TBC1D4: variants seen among roughly 807,000 people sequenced by gnomAD.
TBC1D4 encodes TBC1 domain family member 4, also known as TBC (Tre-2, BUB2, CDC16) domain-containing protein.
A neutral mutation model predicts 142.5 loss-of-function variants in TBC1D4; 121 were observed. The ratio of observed to expected loss-of-function variants is 0.85; its 90% CI spans 0.73 to 0.99. The LOEUF is 0.99. Ranked by LOEUF, TBC1D4 falls within the 50% of genes least tolerant of loss-of-function variation. The pLI is 0.00. For synonymous variants in TBC1D4, 630 were observed against 628.2 expected, an observed-to-expected ratio of 1.00 and a Z score of -0.04; for missense variants, 1,475 against 1,606.6, an observed-to-expected ratio of 0.92 and a Z score of 1.40.
chr13:75,439,010 G>T (rs1346595199), intron 1 of TBC1D4, among the ~76,000 whole-genome samples: 1 of 152,122 alleles, frequency 6.6e-6, no homozygotes, highest in East Asian at 1.9e-4. Context: ...CATATATTTT[G>T]AGAGCAAAGA....
intron 1 of TBC1D4, among the ~76,000 whole-genome samples, chr13:75,441,654 T>C (rs1887046731): frequency 6.6e-6 from 1 of 152,220 alleles, no homozygotes. Flanking sequence ...ACAGCACCTA[T>C]AGAGTTGGAA....
intron 1 of TBC1D4, among the ~76,000 whole-genome samples, chr13:75,451,245 GA>G (rs35261120): frequency 1.3e-5 from 2 of 151,874 alleles, no homozygotes; most frequent in South Asian, 4.1e-4. Flanking sequence ...TTATTAGAGC[GA>G]AAAAAAGTGC....
At chr13:75,392,907 T>C (rs1884566192) in intron 1 of TBC1D4, among the ~76,000 whole-genome samples, 2 of 152,166 alleles carry the variant, frequency 1.3e-5, no homozygotes, top group Non-Finnish European at 2.9e-5. Flanking sequence ...CCCAAAATGC[T>C]GGAATTACAG....
chr13:75,432,373 G>A (rs1886625452), intron 1 of TBC1D4, among the ~76,000 whole-genome samples: 1 of 152,182 alleles, frequency 6.6e-6, no homozygotes, highest in Non-Finnish European at 1.5e-5. Context: ...TGAGGCAGCA[G>A]TTTTCTGTAG....
intron 1 of TBC1D4, among the ~76,000 whole-genome samples, chr13:75,428,489 T>G (rs1886468026): frequency 6.6e-6 from 1 of 152,280 alleles, no homozygotes. Context: ...CTATACTAGA[T>G]TTTTCCAGAA....
intron 1 of TBC1D4, among the ~76,000 whole-genome samples, chr13:75,416,223 C>A (rs1274651648): frequency 6.6e-6 from 1 of 152,264 alleles, no homozygotes. Context: ...ATACTCAAGT[C>A]ATGTCAACAA....
At chr13:75,461,566 A>G (rs1255543566) in intron 1 of TBC1D4, among the ~76,000 whole-genome samples, 1 of 152,234 alleles carries the variant, frequency 6.6e-6, no homozygotes, top group African/African-American at 2.4e-5. Flanking sequence ...AAGCCACTGA[A>G]AGCAATGTTT....
At chr13:75,445,207 T>C (rs1246891347) in intron 1 of TBC1D4, among the ~76,000 whole-genome samples, 1 of 152,240 alleles carries the variant, frequency 6.6e-6, no homozygotes, top group African/African-American at 2.4e-5. Context: ...TAGTTTTACA[T>C]ATTAACAGAA....
At chr13:75,369,083 C>T (rs1438926354) in intron 1 of TBC1D4, among the ~76,000 whole-genome samples, 1 of 152,014 alleles carries the variant, frequency 6.6e-6, no homozygotes, top group Non-Finnish European at 1.5e-5. Flanking sequence ...AGAATAAAAT[C>T]TCCCCAAAAG....
intron 1 of TBC1D4, among the ~76,000 whole-genome samples, chr13:75,396,371 A>T (rs1884795630): frequency 6.6e-6 from 1 of 152,220 alleles, no homozygotes; most frequent in Non-Finnish European, 1.5e-5. Context: ...AATATTCCAG[A>T]TCTTGTTGAC....
chr13:75,474,438 A>T (rs1350392971), intron 1 of TBC1D4, among the ~76,000 whole-genome samples: 1 of 152,124 alleles, frequency 6.6e-6, no homozygotes, highest in African/African-American at 2.4e-5. Flanking sequence ...GGGTGCCTGT[A>T]GTCCCAGCTA....
chr13:75,370,250 T>A (rs1472153036), intron 1 of TBC1D4, among the ~76,000 whole-genome samples: 2 of 152,102 alleles, frequency 1.3e-5, no homozygotes, highest in Admixed American at 1.3e-4. Context: ...GGGGAGGCAG[T>A]TGTGGGAGAC....
chr13:75,421,875 T>TCA (rs1566478638), intron 1 of TBC1D4, among the ~76,000 whole-genome samples: 4 of 4,050 alleles, frequency 9.9e-4, no homozygotes, highest in African/African-American at 2.3e-3. Flanking sequence ...AAGCAATCCC[T>TCA]TATTTCATCA....
intron 2 of TBC1D4, among the ~76,000 whole-genome samples, chr13:75,360,319 A>T (rs886998842): frequency 5.3e-5 from 8 of 152,194 alleles, no homozygotes; most frequent in Admixed American, 4.6e-4. Flanking sequence ...GTGACTAACT[A>T]AAAAAAGAAC....
At chr13:75,471,986 A>C (rs1396494630) in intron 1 of TBC1D4, among the ~76,000 whole-genome samples, 1 of 151,986 alleles carries the variant, frequency 6.6e-6, no homozygotes, top group East Asian at 1.9e-4. Context: ...GGGCGCCTGT[A>C]GTCCCAGCTA....
intron 5 of TBC1D4, among the ~76,000 whole-genome samples, chr13:75,343,548 G>A (rs148443058): frequency 7.7e-4 from 116 of 150,304 alleles, no homozygotes; most frequent in Non-Finnish European, 1.3e-3. Context: ...ATGGAGTTTC[G>A]CTCTCGTTGC....
intron 15 of TBC1D4, chr13:75,302,690 G>C (rs975565522): frequency 2.2e-6 from 1 of 460,358 alleles, no homozygotes; most frequent in African/African-American, 2.0e-5. Flanking sequence ...AGGGTGCCTA[G>C]CTACTAAGCA....
At chr13:75,459,097 C>T (rs770410690) in intron 1 of TBC1D4, among the ~76,000 whole-genome samples, 2 of 152,194 alleles carry the variant, frequency 1.3e-5, no homozygotes, top group African/African-American at 2.4e-5. Context: ...CACCTGCTTC[C>T]GCCAGCAAGC....
intron 1 of TBC1D4, among the ~76,000 whole-genome samples, chr13:75,386,901 T>C (rs184560411): frequency 6.6e-6 from 1 of 152,290 alleles, no homozygotes; most frequent in Non-Finnish European, 1.5e-5. Flanking sequence ...CTGGTGTAGG[T>C]ATTTTTCCTT....
Sources: gnomAD v4.1 joint callset for allele counts (sites outside exome capture counted in the v4.1 genomes callset) on GRCh38, gnomAD v4.1.1 for gene constraint, MANE v1.5 for transcripts, NCBI Gene and HGNC (gene_info 2026-07-23, HGNC 2026-07-21) for gene names.